The following CADM2 variants were observed in gnomAD, a reference collection of about 807,000 sequenced individuals.
The protein encoded by CADM2 is immunoglobulin superfamily member 4D.
Under a neutral mutation model 49.8 loss-of-function variants are expected in CADM2, and 12 were observed. That is an observed-to-expected ratio of 0.24 (90% CI 0.15 to 0.39). The LOEUF is 0.39. Among genes scored for constraint, CADM2 ranks in the 10% least tolerant of loss-of-function variants. The pLI is 1.00. For synonymous variants in CADM2, 214 were observed against 175.4 expected (o/e 1.22, Z -1.74); for missense variants, 378 against 492.3 (o/e 0.77, Z 2.20).
chr3:85,819,936 T>C (rs1443801234), intron 3 of CADM2, among the ~76,000 whole-genome samples: 1 of 151,896 alleles, frequency 6.6e-6, no homozygotes, highest in Non-Finnish European at 1.5e-5. Flanking sequence ...GAAACAAAAC[T>C]TGGGGAAGAG....
intron 1 of CADM2, among the ~76,000 whole-genome samples, chr3:85,622,142 A>G (rs1044885390): frequency 6.6e-6 from 1 of 152,182 alleles, no homozygotes; most frequent in African/African-American, 2.4e-5. Context: ...TTACAAATAC[A>G]TTGTACAGAT....
At chr3:85,854,194 C>G (rs1048845183) in intron 3 of CADM2, among the ~76,000 whole-genome samples, 15 of 152,200 alleles carry the variant, frequency 9.9e-5, no homozygotes, top group Non-Finnish European at 2.1e-4. Flanking sequence ...AATTCTTTCA[C>G]TGTATTCCAC....
chr3:85,426,820 C>T (rs1403263839), intron 1 of CADM2, among the ~76,000 whole-genome samples: 1 of 152,022 alleles, frequency 6.6e-6, no homozygotes, highest in African/African-American at 2.4e-5. Context: ...GGAACATGAA[C>T]ATAGCTCCCC....
chr3:85,388,109 G>A (rs980402553), intron 1 of CADM2, among the ~76,000 whole-genome samples: 2 of 152,130 alleles, frequency 1.3e-5, no homozygotes, highest in Non-Finnish European at 2.9e-5. Context: ...ACCTACTGCA[G>A]CCTCGACCTC....
At chr3:85,380,335 CT>C (rs1023814393) in intron 1 of CADM2, among the ~76,000 whole-genome samples, 69 of 151,740 alleles carry the variant, frequency 4.5e-4, no homozygotes, top group African/African-American at 1.6e-3. Context: ...ATAAATGTTG[CT>C]TTTTTTGCCT....
At position 85,813,888 on chromosome 3, in the gene CADM2, A is replaced by G. The variant is rs547120311; in HGVS notation, c.238+11692A>G. 2.0e-5 allele frequency among the ~76,000 whole-genome samples: 3 copies of G among 152,054 alleles called. No individual in the cohort carries two copies. In the South Asian group the frequency reaches 6.2e-4, roughly 32 times the overall value. ...ATCTCTGAGGCCTCTGTTCTGTTCCATTGGTCTGTATATCTGTTTTGGTAC... is the reference window on the plus strand; with the variant it reads ...ATCTCTGAGGCCTCTGTTCTGTTCCGTTGGTCTGTATATCTGTTTTGGTAC... On this transcript the variant is annotated intron_variant, in intron 3 of 9. Transcript: ENST00000383699.
intron 1 of CADM2, among the ~76,000 whole-genome samples, chr3:85,504,711 C>A (rs915522861): frequency 6.6e-6 from 1 of 152,214 alleles, no homozygotes; most frequent in South Asian, 2.1e-4. Flanking sequence ...TGGGACTGGG[C>A]TCCGTGGAGC....
chr3:85,735,392 G>T (rs1455559506), intron 2 of CADM2, among the ~76,000 whole-genome samples: 1 of 152,142 alleles, frequency 6.6e-6, no homozygotes, highest in East Asian at 1.9e-4. Flanking sequence ...CAACAGCCCT[G>T]TAAGAATAGA....
intron 1 of CADM2, among the ~76,000 whole-genome samples, chr3:85,458,223 T>C (rs561100470): frequency 7.9e-5 from 12 of 152,340 alleles, no homozygotes; most frequent in Admixed American, 4.6e-4. Context: ...ACGTTATTCT[T>C]TGGCAGGGAT....
chr3:86,004,989 G>T (rs892408674), intron 8 of CADM2, among the ~76,000 whole-genome samples: 2 of 152,110 alleles, frequency 1.3e-5, no homozygotes, highest in African/African-American at 4.8e-5. Flanking sequence ...TACCATGCTG[G>T]AACGTTCTTT....
At chr3:85,884,103 T>C (rs1713215060) in intron 4 of CADM2, among the ~76,000 whole-genome samples, 1 of 152,206 alleles carries the variant, frequency 6.6e-6, no homozygotes, top group Admixed American at 6.5e-5. Context: ...AATACATTCA[T>C]AGAGATTCCG....
intron 1 of CADM2, among the ~76,000 whole-genome samples, chr3:85,505,275 A>C (rs1002265452): frequency 2.6e-5 from 4 of 152,228 alleles, no homozygotes; most frequent in Non-Finnish European, 5.9e-5. Context: ...TGTTTTATGT[A>C]ACTTGTGTTT....
intron 1 of CADM2, among the ~76,000 whole-genome samples, chr3:85,050,848 G>A (rs1006685408): frequency 6.6e-6 from 1 of 152,108 alleles, no homozygotes. Flanking sequence ...CATAATCGCT[G>A]TCTGAAAACA....
chr3:85,505,877 G>A (rs964260047), intron 1 of CADM2, among the ~76,000 whole-genome samples: 2 of 151,958 alleles, frequency 1.3e-5, no homozygotes, highest in Non-Finnish European at 2.9e-5. Context: ...TTTTGCTTTC[G>A]GTTATTGTTT....
intron 1 of CADM2, among the ~76,000 whole-genome samples, chr3:85,627,814 T>G (rs2064170714): frequency 6.6e-6 from 1 of 151,966 alleles, no homozygotes; most frequent in Non-Finnish European, 1.5e-5. Flanking sequence ...GCAAATGAGT[T>G]TTAAAGTTTT....
intron 1 of CADM2, among the ~76,000 whole-genome samples, chr3:85,634,320 G>A (rs9866968): frequency 0.37 from 56,130 of 151,710 alleles, 10,591 homozygotes; most frequent in East Asian, 0.6. Context: ...CTTCATATAG[G>A]TGTATATTTT....
chr3:85,256,031 A>C (rs1325925200), intron 1 of CADM2, among the ~76,000 whole-genome samples: 1 of 152,048 alleles, frequency 6.6e-6, no homozygotes, highest in Non-Finnish European at 1.5e-5. Context: ...ACGCATCATC[A>C]TAAGGAATTC....
At chr3:85,308,457 CAG>C (rs1308629205) in intron 1 of CADM2, among the ~76,000 whole-genome samples, 2 of 151,778 alleles carry the variant, frequency 1.3e-5, no homozygotes, top group African/African-American at 4.8e-5. Context: ...TGAAGAACTT[CAG>C]AGAGAGTTAA....
At chr3:85,922,934 G>A (rs559225883) in intron 6 of CADM2, among the ~76,000 whole-genome samples, 112 of 151,480 alleles carry the variant, frequency 7.4e-4, no homozygotes, top group Non-Finnish European at 1.1e-3. Flanking sequence ...CGATTCTCCT[G>A]CCTCAGCCTC....
Sources: allele counts gnomAD v4.1 joint callset (sites outside exome capture counted in the v4.1 genomes callset), GRCh38; gene constraint gnomAD v4.1.1; transcripts MANE v1.5; gene names NCBI Gene and HGNC (gene_info 2026-07-23, HGNC 2026-07-21).